The following ACOT7 variants were observed in gnomAD, a reference collection of about 807,000 sequenced individuals.
ACOT7 encodes the protein cytosolic acyl coenzyme A thioester hydrolase.
In ACOT7, 12 loss-of-function variants were observed where a neutral mutation model predicts 40.2. That is an observed-to-expected ratio of 0.30 (90% CI 0.19 to 0.48). The LOEUF is 0.48. Ranked by LOEUF, ACOT7 falls within the 20% of genes least tolerant of loss-of-function variation. The probability of loss-of-function intolerance (pLI) is 0.99; values close to 1 mark genes in which losing one functional copy is unlikely to be tolerated. For missense variants in ACOT7, 395 were observed against 530.8 expected (o/e 0.74, Z 2.51); for synonymous variants, 228 against 219.5 (o/e 1.04, Z -0.34).
intron 1 of ACOT7, among the ~76,000 whole-genome samples, chr1:6,350,975 A>G (rs1226554515): frequency 2.0e-5 from 3 of 152,172 alleles, no homozygotes; most frequent in African/African-American, 7.2e-5. Context: ...CAGATCGCAC[A>G]CTCACTCCAC....
chr1:6,268,155 G>A (rs1302157092), intron 8 of ACOT7, among the ~76,000 whole-genome samples: 2 of 152,168 alleles, frequency 1.3e-5, no homozygotes, highest in Admixed American at 1.3e-4. Context: ...ATAGACTGTG[G>A]CGGGGGATGT....
chr1:6,296,426 A>T (rs1639813032), intron 6 of ACOT7, among the ~76,000 whole-genome samples: 1 of 145,640 alleles, frequency 6.9e-6, no homozygotes, highest in Non-Finnish European at 1.5e-5. Flanking sequence ...TTCAATTTTT[A>T]ATTTTTTTTT....
chr1:6,317,214 A>G (rs1420871958), intron 6 of ACOT7, among the ~76,000 whole-genome samples: 9 of 152,174 alleles, frequency 5.9e-5, no homozygotes, highest in Non-Finnish European at 8.8e-5. Context: ...ATACCACTTC[A>G]CTATGATCTT....
At position 6,278,511 on chromosome 1, in the gene ACOT7, A is replaced by G. The variant is rs1213201689; in HGVS notation, c.1014+2591T>C. Among the ~76,000 whole-genome samples, 1 of 152,174 alleles carries G rather than the reference A, an allele frequency of 6.6e-6. No individual in the cohort carries two copies. Among genetic ancestry groups the G allele is most frequent in the African/African-American group, 2.4e-5 (1 of 41,442 alleles). On this transcript the variant is annotated intron_variant, in intron 8 of 8. Transcript: ENST00000361521. This position sits in a 1 kb window ranked among gnomAD's most constrained non-coding sequence, Gnocchi z 4.1. ...GTAGGGAGGAGCCAGCTGGGTTCCC[A>G]GACTTCCAGAGCAGCACAGAGGCGG...
intron 7 of ACOT7, among the ~76,000 whole-genome samples, chr1:6,291,747 G>A (rs1422031801): frequency 2.0e-5 from 3 of 152,132 alleles, no homozygotes; most frequent in African/African-American, 7.2e-5. Flanking sequence ...GGGGCTCGAG[G>A]GTGTACAGCG....
intron 6 of ACOT7, among the ~76,000 whole-genome samples, chr1:6,305,452 G>A (rs1231909836): frequency 6.6e-6 from 1 of 151,502 alleles, no homozygotes; most frequent in African/African-American, 2.4e-5. Flanking sequence ...GCCGGGTGGA[G>A]ACGCTCCTCA....
intron 8 of ACOT7, among the ~76,000 whole-genome samples, chr1:6,270,733 T>G (rs969856774): frequency 6.6e-6 from 1 of 152,152 alleles, no homozygotes; most frequent in Non-Finnish European, 1.5e-5. Context: ...TGTGCACATG[T>G]GTCTGCGGTC....
intron 4 of ACOT7, among the ~76,000 whole-genome samples, chr1:6,332,927 C>G (rs1239603496): frequency 1.3e-5 from 2 of 152,162 alleles, no homozygotes; most frequent in African/African-American, 4.8e-5. Flanking sequence ...GAGACAGACC[C>G]CAGCAGGGGA....
At chr1:6,267,622 G>A (rs1442288015) in intron 8 of ACOT7, among the ~76,000 whole-genome samples, 1 of 152,246 alleles carries the variant, frequency 6.6e-6, no homozygotes, top group Non-Finnish European at 1.5e-5. Flanking sequence ...ACACTGGGAT[G>A]AAGGTTCTGA....
In ACOT7 at chr1:6,318,496, G is replaced by A. The variant is rs371908794; in HGVS notation, c.708C>T (p.His236=). ...PSDCTLHGFV[H]GGVTMKLMDE... Reference sequence around the variant, plus strand: ...GCCAGGGCGCTTCCTTCTTACCTCCGTGCACAAAGCCGTGCAGGGTGCAGT... The same window carrying A: ...GCCAGGGCGCTTCCTTCTTACCTCCATGCACAAAGCCGTGCAGGGTGCAGT... The change falls in exon 6 of 9, where the codon CAC becomes CAT. Residue 236 remains histidine (H), a synonymous_variant. Transcript: ENST00000361521. 2.0e-4 allele frequency: 318 copies of A among 1,613,832 alleles called. 3 individuals carry two copies. The South Asian group carries it at 2.9e-3, about 15-fold the overall frequency.
chr1:6,307,064 G>A (rs552933340), intron 6 of ACOT7, among the ~76,000 whole-genome samples: 4 of 152,276 alleles, frequency 2.6e-5, no homozygotes, highest in East Asian at 1.9e-4. Flanking sequence ...CCCCAGCAGC[G>A]TTGTTTGGCT....
chr1:6,265,483 A>AC (rs1308289768), intron 8 of ACOT7, among the ~76,000 whole-genome samples: 2 of 152,118 alleles, frequency 1.3e-5, no homozygotes, highest in Admixed American at 6.5e-5. Context: ...GACCCCAGGG[A>AC]CCCCATCTCA....
chr1:6,356,450 T>C (rs1641746605), intron 1 of ACOT7, among the ~76,000 whole-genome samples: 1 of 151,328 alleles, frequency 6.6e-6, no homozygotes, highest in Non-Finnish European at 1.5e-5. Context: ...TCAGCCCCGC[T>C]CAGCACCCTC....
intron 5 of ACOT7, among the ~76,000 whole-genome samples, chr1:6,324,612 C>T (rs1244762939): frequency 6.6e-6 from 1 of 152,140 alleles, no homozygotes; most frequent in African/African-American, 2.4e-5. Context: ...GCTGCCCACA[C>T]CCCCCGGGGT....
chr1:6,275,097 C>T lies in ACOT7; in HGVS notation c.1014+6005G>A, dbSNP rs752104213. ...GCATCTGTGAGCAGACACACCAGCT[C>T]GCAGAGGGGTTGGCGTTCCCTGAAG... On this transcript the variant is annotated intron_variant, in intron 8 of 8. Coordinates refer to ENST00000361521, the MANE Select transcript of ACOT7 (RefSeq NM_007274.4). This position sits in a 1 kb window ranked among gnomAD's most constrained non-coding sequence, Gnocchi z 5.6. 3.9e-5 allele frequency among the ~76,000 whole-genome samples: 6 copies of T among 152,186 alleles called. No individual in the cohort carries two copies. The highest frequency in any genetic ancestry group is 7.2e-5 in the African/African-American group (3 of 41,456).
intron 1 of ACOT7, chr1:6,385,525 G>A: frequency 1.2e-6 from 2 of 1,612,086 alleles, no homozygotes; most frequent in Admixed American, 3.3e-5. Context: ...CAGGGTGGGA[G>A]ATCAGCCCTG....
chr1:6,336,805 G>C (rs568218446), intron 3 of ACOT7, among the ~76,000 whole-genome samples: 1 of 152,362 alleles, frequency 6.6e-6, no homozygotes, highest in East Asian at 1.9e-4. Flanking sequence ...CAGAGACAGA[G>C]AAGGGCCTCA....
At chr1:6,280,055 C>T (rs542174998) in intron 8 of ACOT7, among the ~76,000 whole-genome samples, 14 of 152,184 alleles carry the variant, frequency 9.2e-5, no homozygotes, top group Admixed American at 6.5e-5. Context: ...GCAGACGCCG[C>T]GGGGGCAGGG....
At chr1:6,332,461 G>C (rs1214783200) in intron 4 of ACOT7, among the ~76,000 whole-genome samples, 1 of 152,216 alleles carries the variant, frequency 6.6e-6, no homozygotes, top group Non-Finnish European at 1.5e-5. Flanking sequence ...GCTTCCACAG[G>C]CTTCGCCCAC....
Sources: allele counts gnomAD v4.1 joint callset (sites outside exome capture counted in the v4.1 genomes callset), GRCh38; gene constraint gnomAD v4.1.1; non-coding constraint Gnocchi (gnomAD v3.1); transcripts MANE v1.5; gene names NCBI Gene and HGNC (gene_info 2026-07-23, HGNC 2026-07-21).